VWA3B: variants seen among roughly 807,000 people sequenced by gnomAD.
VWA3B encodes von Willebrand factor A domain containing 3B, also known as von Willebrand factor A domain-containing protein 3B.
VWA3B carries 138 observed loss-of-function variants against 158.3 expected under a neutral mutation model. The observed-to-expected ratio is 0.87, with a 90% confidence interval of 0.76 to 1.00. VWA3B has a LOEUF of 1.00. Ranked by LOEUF, VWA3B falls within the 50% of genes least tolerant of loss-of-function variation. VWA3B has a pLI of 0.00. For synonymous variants in VWA3B, 596 were observed against 587.3 expected (o/e 1.01, Z -0.21); for missense variants, 1,555 against 1,565.1 (o/e 0.99, Z 0.11).
chr2:98,112,679 G>T (rs1559542096), intron 2 of VWA3B, among the ~76,000 whole-genome samples: 2 of 151,174 alleles, frequency 1.3e-5, no homozygotes, highest in African/African-American at 4.9e-5. Flanking sequence ...GATCTGTAGG[G>T]TTTTTTTTAA....
intron 9 of VWA3B, among the ~76,000 whole-genome samples, chr2:98,187,553 A>C (rs1393479970): frequency 1.3e-5 from 2 of 151,988 alleles, no homozygotes; most frequent in Non-Finnish European, 2.9e-5. Context: ...TCTCTTCTTT[A>C]CCAGGACTTT....
chr2:98,303,964 G>A lies in VWA3B; in HGVS notation c.3521+162G>A, dbSNP rs187041610. The stretch of plus-strand genomic sequence containing the variant: ...GCTCTGTGTTTATTATTCCTTCGAC[G>A]TCACACCTTTCACCTGCTACTTATT... On this transcript the variant is annotated intron_variant, in intron 26 of 27. Transcript: ENST00000477737. Among the ~76,000 whole-genome samples, 11 of 152,292 alleles carry A rather than the reference G, an allele frequency of 7.2e-5. No homozygotes were observed. In the Middle Eastern group the frequency reaches 0.01, roughly 141 times the overall value.
In VWA3B at chr2:98,115,741, T is replaced by A. The variant is rs1193140776; in HGVS notation, c.286T>A (p.Tyr96Asn). ...CTACAGAGCAGAAGATGGCAGAGTATACAATGTAAGTCAGAGTTCCCTCAA... is the reference window on the plus strand; with the variant it reads ...CTACAGAGCAGAAGATGGCAGAGTAAACAATGTAAGTCAGAGTTCCCTCAA... The part of the protein sequence containing the change: ...QLYRAEDGRV[Y>N]NLTAKSELIY... The change falls in exon 3 of 28, where the codon TAC becomes AAC. Residue 96 changes from tyrosine (Y) to asparagine (N), a missense_variant. Tyr to Asn is a moderately radical substitution (Grantham distance 143). Coordinates refer to ENST00000477737, the MANE Select transcript of VWA3B (RefSeq NM_144992.5). The A allele has an allele frequency of 1.2e-6, 2 of 1,612,726 alleles. No individual in the cohort carries two copies. Among genetic ancestry groups the A allele is most frequent in the Non-Finnish European group, 1.7e-6 (2 of 1,179,790 alleles).
At chr2:98,232,052 C>G (rs559242052) in intron 16 of VWA3B, among the ~76,000 whole-genome samples, 1 of 152,242 alleles carries the variant, frequency 6.6e-6, no homozygotes, top group South Asian at 2.1e-4. Context: ...CTCTTCTATT[C>G]CTGGGAGAAA....
In VWA3B at chr2:98,187,658, C is replaced by CTGTGTGTGTGTG. The variant is rs1389987333; in HGVS notation, c.1312-312_1312-311insGTGTGTGTGTGT. 2.4e-3 allele frequency among the ~76,000 whole-genome samples: 261 copies of CTGTGTGTGTGTG among 109,900 alleles called. 3 individuals carry two copies. Among genetic ancestry groups the CTGTGTGTGTGTG allele is most frequent in the African/African-American group, 9.4e-3 (250 of 26,680 alleles). The allele number at this position is 109,900 out of a possible 152,430, so 72.1% of individuals were successfully genotyped here. ...TCTCTCTCCCTCTCCCTCTCCGTCT[C>CTGTGTGTGTGTG]TGTGTCTGTGTGTGTGTGTGTGTGT... is the stretch of plus-strand genomic sequence containing the variant. On this transcript the variant is annotated intron_variant, in intron 9 of 27. Coordinates refer to ENST00000477737, the MANE Select transcript of VWA3B (RefSeq NM_144992.5).
At chr2:98,231,637 T>C (rs1350029343) in intron 16 of VWA3B, among the ~76,000 whole-genome samples, 3 of 152,180 alleles carry the variant, frequency 2.0e-5, no homozygotes, top group Admixed American at 2.0e-4. Context: ...TAGAAAAAAA[T>C]TAAAGAAAAC....
intron 14 of VWA3B, among the ~76,000 whole-genome samples, chr2:98,222,207 GAGAAAACTGTCCCACAAA>G (rs1417687158): frequency 6.6e-6 from 1 of 152,250 alleles, no homozygotes; most frequent in East Asian, 1.9e-4. Flanking sequence ...CTACCCTTAA[GAGAAAACTGTCCCACAAA>G]AGAAAACTGT....
chr2:98,255,324 A>G (rs13387505), intron 20 of VWA3B, among the ~76,000 whole-genome samples: 13,338 of 146,578 alleles, frequency 0.091, 849 homozygotes, highest in African/African-American at 0.19. Context: ...GAGCCACTGC[A>G]CCCGGCTGGA....
At chr2:98,148,479 A>G (rs1677351625) in intron 7 of VWA3B, among the ~76,000 whole-genome samples, 2 of 152,166 alleles carry the variant, frequency 1.3e-5, no homozygotes, top group South Asian at 4.1e-4. Flanking sequence ...TATGTTGGTC[A>G]TTGTGTTCCT....
At chr2:98,290,212 C>G (rs1689404024) in intron 22 of VWA3B, among the ~76,000 whole-genome samples, 1 of 152,156 alleles carries the variant, frequency 6.6e-6, no homozygotes, top group African/African-American at 2.4e-5. Context: ...GAAGCAAGCA[C>G]ATATTCACAT....
intron 21 of VWA3B, among the ~76,000 whole-genome samples, chr2:98,270,063 C>T (rs1196781209): frequency 6.6e-6 from 1 of 151,706 alleles, no homozygotes; most frequent in East Asian, 1.9e-4. Context: ...AATCCAGGAC[C>T]TGGGCCATCA....
intron 7 of VWA3B, among the ~76,000 whole-genome samples, chr2:98,141,324 G>T (rs1048800708): frequency 6.6e-6 from 1 of 152,314 alleles, no homozygotes; most frequent in East Asian, 1.9e-4. Flanking sequence ...CGTTCTGCAG[G>T]CTGTGCAAGC....
At chr2:98,121,664 A>G (rs1043548296) in intron 5 of VWA3B, among the ~76,000 whole-genome samples, 2 of 152,130 alleles carry the variant, frequency 1.3e-5, no homozygotes, top group African/African-American at 4.8e-5. Flanking sequence ...GAACCTGGCT[A>G]GGCTCCCTCT....
Position 98,192,928 on chromosome 2 carries a change from C to A in VWA3B, c.1497C>A (p.Ser499Arg). 6.2e-7 allele frequency: 1 copy of A among 1,614,056 alleles called. No individual in the cohort carries two copies. ...RIKWLQDGSQSLFGRLHNDCI... is the reference protein window; with the variant it reads ...RIKWLQDGSQRLFGRLHNDCI... Reference sequence around the variant, plus strand: ...AATGGCTACAGGATGGGAGTCAAAGCCTCTTTGGAAGATTGCATAATGATT... The same window carrying A: ...AATGGCTACAGGATGGGAGTCAAAGACTCTTTGGAAGATTGCATAATGATT... The change falls in exon 11 of 28, where the codon AGC (serine) becomes AGA (arginine). Residue 499 changes from serine to arginine, a missense_variant. Ser to Arg is a moderately radical substitution (Grantham distance 110). Transcript: ENST00000477737.
intron 2 of VWA3B, among the ~76,000 whole-genome samples, chr2:98,095,784 G>A (rs1262670332): frequency 6.6e-6 from 1 of 152,116 alleles, no homozygotes; most frequent in Non-Finnish European, 1.5e-5. Context: ...CTGTGTTGAG[G>A]CACATTTCTT....
intron 2 of VWA3B, among the ~76,000 whole-genome samples, chr2:98,114,757 C>A (rs1439398507): frequency 1.3e-5 from 2 of 152,216 alleles, no homozygotes; most frequent in African/African-American, 4.8e-5. Flanking sequence ...CCATAGGCTT[C>A]TGAGAGTTCC....
At chr2:98,196,049 T>C (rs1330297122) in intron 12 of VWA3B, among the ~76,000 whole-genome samples, 1 of 152,172 alleles carries the variant, frequency 6.6e-6, no homozygotes, top group Non-Finnish European at 1.5e-5. Context: ...CACTTATATG[T>C]AGAATCTAAA....
chr2:98,192,781 G>A, intron 10 of VWA3B, 117 bp from the exon 11 acceptor site: 1 of 1,388,942 alleles, frequency 7.2e-7, no homozygotes, highest in East Asian at 2.3e-5. Flanking sequence ...ACAGAAGATT[G>A]GGTATAAACA....
intron 8 of VWA3B, among the ~76,000 whole-genome samples, chr2:98,168,344 A>T (rs796815333): frequency 2.4e-4 from 37 of 151,022 alleles, no homozygotes; most frequent in African/African-American, 8.0e-4. Flanking sequence ...ATTATGTATC[A>T]GTTCCCTTTG....
Sources: allele counts gnomAD v4.1 joint callset (sites outside exome capture counted in the v4.1 genomes callset), GRCh38; gene constraint gnomAD v4.1.1; transcripts MANE v1.5; gene names NCBI Gene and HGNC (gene_info 2026-07-23, HGNC 2026-07-21).